The following UNC5C variants were observed in gnomAD, a reference collection of about 807,000 sequenced individuals.
UNC5C encodes the protein netrin receptor UNC5C.
In UNC5C, 47 loss-of-function variants were observed where a neutral mutation model predicts 99.8. The ratio of observed to expected loss-of-function variants is 0.47; its 90% CI spans 0.37 to 0.60. The LOEUF (loss-of-function observed/expected upper bound fraction) is 0.60, where lower values mean the gene tolerates loss of function less well. UNC5C is among the 20% of genes least tolerant of loss of function. The pLI is 0.00. For missense variants in UNC5C, 1,062 were observed against 1,165.9 expected, an observed-to-expected ratio of 0.91 and a Z score of 1.30; for synonymous variants, 487 against 452.2, an observed-to-expected ratio of 1.08 and a Z score of -0.98.
At chr4:95,373,949 C>T (rs1744818034) in intron 1 of UNC5C, among the ~76,000 whole-genome samples, 1 of 152,102 alleles carries the variant, frequency 6.6e-6, no homozygotes, top group South Asian at 2.1e-4. Flanking sequence ...ATCTGATCTC[C>T]AGTTGGCCTC....
At chr4:95,439,163 C>A (rs975118415) in intron 1 of UNC5C, among the ~76,000 whole-genome samples, 1 of 152,240 alleles carries the variant, frequency 6.6e-6, no homozygotes, top group Admixed American at 6.5e-5. Context: ...TTTACAGGCC[C>A]TTGCAGTAAG....
chr4:95,361,317 C>G (rs1744383785), intron 1 of UNC5C, among the ~76,000 whole-genome samples: 1 of 152,254 alleles, frequency 6.6e-6, no homozygotes, highest in Admixed American at 6.5e-5. Context: ...CTTAAATAAG[C>G]AGGTTGATTT....
chr4:95,237,288 G>A (rs1739154448), intron 7 of UNC5C, among the ~76,000 whole-genome samples: 1 of 151,878 alleles, frequency 6.6e-6, no homozygotes, highest in Admixed American at 6.6e-5. Flanking sequence ...AGAATTATTG[G>A]GTCAAAGGGT....
At chr4:95,361,683 G>A (rs995186792) in intron 1 of UNC5C, among the ~76,000 whole-genome samples, 1 of 152,114 alleles carries the variant, frequency 6.6e-6, no homozygotes, top group East Asian at 1.9e-4. Flanking sequence ...AGTCAAGAGT[G>A]CAGAGAAATA....
chr4:95,354,479 A>ATATTTTTTTTTTTTTT lies in UNC5C; in HGVS notation c.125-18849_125-18848insAAAAAAAAAAAAAATA. Among the ~76,000 whole-genome samples the ATATTTTTTTTTTTTTT allele has an allele frequency of 3.3e-3, 361 of 110,256 alleles. 3 individuals carry two copies. Among genetic ancestry groups the ATATTTTTTTTTTTTTT allele is most frequent in the Non-Finnish European group, 5.2e-3 (288 of 55,684 alleles). 72.3% of individuals were successfully genotyped at this position (110,256 alleles called of 152,430 possible). A position where few individuals can be genotyped will look rare whatever the true frequency, so the allele number is the denominator to read the frequency against. ...TTACCTAACTCTTCCATATATATATATTTTTTTTTTTTTTTTAAGAGACAG... is the reference window on the plus strand; with the variant it reads ...TTACCTAACTCTTCCATATATATATATATTTTTTTTTTTTTTTTTTTTTTTTTTTTTTAAGAGACAG... On this transcript the variant is annotated intron_variant, in intron 1 of 15. Transcript: ENST00000453304.
At chr4:95,410,630 G>A (rs1336732059) in intron 1 of UNC5C, among the ~76,000 whole-genome samples, 1 of 152,184 alleles carries the variant, frequency 6.6e-6, no homozygotes, top group Non-Finnish European at 1.5e-5. Flanking sequence ...CTGGGGGAGA[G>A]TGTTAGGGGA....
intron 2 of UNC5C, among the ~76,000 whole-genome samples, chr4:95,307,457 A>G (rs1742102652): frequency 6.6e-6 from 1 of 152,180 alleles, no homozygotes; most frequent in Non-Finnish European, 1.5e-5. Flanking sequence ...GAAAACCTGA[A>G]CAGACCAATC....
intron 1 of UNC5C, among the ~76,000 whole-genome samples, chr4:95,350,899 A>G (rs1329028495): frequency 6.6e-6 from 1 of 152,064 alleles, no homozygotes; most frequent in South Asian, 2.1e-4. Flanking sequence ...ACAATTAGTG[A>G]CCTTAAGTGA....
intron 1 of UNC5C, among the ~76,000 whole-genome samples, chr4:95,432,874 G>A (rs1746671098): frequency 6.6e-6 from 1 of 152,064 alleles, no homozygotes; most frequent in South Asian, 2.1e-4. Context: ...AGAGCAATCT[G>A]CTCCACAGCC....
chr4:95,304,154 G>T (rs761969056), intron 2 of UNC5C, among the ~76,000 whole-genome samples: 4 of 152,142 alleles, frequency 2.6e-5, no homozygotes, highest in African/African-American at 9.7e-5. Flanking sequence ...AGCCCAAGAC[G>T]GTGGGTTTTA....
At chr4:95,212,370 T>G (rs1387790482) in intron 10 of UNC5C, among the ~76,000 whole-genome samples, 1 of 152,212 alleles carries the variant, frequency 6.6e-6, no homozygotes, top group East Asian at 1.9e-4. Context: ...TTTTTACCTT[T>G]GATTTTTGAG....
chr4:95,520,673 A>C (rs542139271), intron 1 of UNC5C, among the ~76,000 whole-genome samples: 1 of 143,418 alleles, frequency 7.0e-6, no homozygotes, highest in South Asian at 2.2e-4. Context: ...CTCTCGGCTC[A>C]CTGCAAGCTC....
At chr4:95,170,436 A>G in intron 14 of UNC5C, 104 bp from the exon 15 acceptor site, 1 of 1,328,058 alleles carries the variant, frequency 7.5e-7, no homozygotes, top group Non-Finnish European at 1.0e-6. Context: ...TAAGAAAAGA[A>G]TGAATGCTGT....
intron 4 of UNC5C, among the ~76,000 whole-genome samples, chr4:95,257,914 C>A (rs757477702): frequency 1.3e-5 from 2 of 151,996 alleles, no homozygotes; most frequent in African/African-American, 4.8e-5. Context: ...AATGATAAAG[C>A]GTTAATAAAA....
At chr4:95,513,188 T>C (rs76661441) in intron 1 of UNC5C, among the ~76,000 whole-genome samples, 30 of 152,278 alleles carry the variant, frequency 2.0e-4, no homozygotes, top group Middle Eastern at 3.4e-3. Flanking sequence ...TGTAATGCAA[T>C]TATATGGCAG....
intron 7 of UNC5C, among the ~76,000 whole-genome samples, chr4:95,220,660 C>A (rs547093710): frequency 6.6e-5 from 10 of 152,182 alleles, no homozygotes; most frequent in Non-Finnish European, 1.3e-4. Context: ...CTTTCCATAG[C>A]ACTCTTCTCA....
chr4:95,267,797 A>C (rs6532539), intron 4 of UNC5C, among the ~76,000 whole-genome samples: 15,538 of 129,038 alleles, frequency 0.12, 2,214 homozygotes, highest in African/African-American at 0.36. Context: ...ATAACAATAC[A>C]AAAAAAAAAT....
chr4:95,511,424 T>C (rs1242606375), intron 1 of UNC5C, among the ~76,000 whole-genome samples: 1 of 152,072 alleles, frequency 6.6e-6, no homozygotes, highest in Admixed American at 6.6e-5. Flanking sequence ...TTAGGAAAAA[T>C]GGAAGCTGCC....
At chr4:95,500,177 T>C (rs1721742405) in intron 1 of UNC5C, among the ~76,000 whole-genome samples, 1 of 152,108 alleles carries the variant, frequency 6.6e-6, no homozygotes, top group Admixed American at 6.6e-5. Context: ...TTTTTAATAT[T>C]AATAGAACAT....
Sources: gnomAD v4.1 joint callset for allele counts (sites outside exome capture counted in the v4.1 genomes callset) on GRCh38, gnomAD v4.1.1 for gene constraint, MANE v1.5 for transcripts, NCBI Gene and HGNC (gene_info 2026-07-23, HGNC 2026-07-21) for gene names.